Variants in CACNA2D2 observed in about 807,000 individuals in gnomAD.
CACNA2D2 encodes calcium voltage-gated channel auxiliary subunit alpha2delta 2.
A neutral mutation model predicts 166.4 loss-of-function variants in CACNA2D2; 48 were observed. That is an observed-to-expected ratio of 0.29 (90% CI 0.23 to 0.37). CACNA2D2 has a LOEUF of 0.37. Among genes scored for constraint, CACNA2D2 ranks in the 10% least tolerant of loss-of-function variants. The pLI is 1.00. For missense variants in CACNA2D2, 1,122 were observed against 1,433.0 expected, an observed-to-expected ratio of 0.78 and a Z score of 3.50; for synonymous variants, 561 against 573.7, an observed-to-expected ratio of 0.98 and a Z score of 0.32.
chr3:50,428,996 G>A (rs1011698344), intron 3 of CACNA2D2, among the ~76,000 whole-genome samples: 2 of 152,140 alleles, frequency 1.3e-5, no homozygotes, highest in African/African-American at 4.8e-5. Flanking sequence ...TTGGGAGGCC[G>A]AGGCGCGCAG....
At chr3:50,471,281 C>T (rs545572369) in intron 2 of CACNA2D2, among the ~76,000 whole-genome samples, 3 of 152,054 alleles carry the variant, frequency 2.0e-5, no homozygotes, top group South Asian at 2.1e-4. Flanking sequence ...TGCGTCAGTG[C>T]GACAGCCTGT....
At chr3:50,470,110 G>C (rs1710000095) in intron 2 of CACNA2D2, among the ~76,000 whole-genome samples, 1 of 152,222 alleles carries the variant, frequency 6.6e-6, no homozygotes, top group Non-Finnish European at 1.5e-5. Flanking sequence ...TTGGAGCAGG[G>C]TTCCCTGCCC....
In CACNA2D2 at chr3:50,427,564, T is replaced by C. The variant is rs1273517929; in HGVS notation, c.405+6749A>G. On this transcript the variant is annotated intron_variant, in intron 3 of 37. Transcript: ENST00000424201. This position sits in a 1 kb window ranked among gnomAD's most constrained non-coding sequence, Gnocchi z 4.7. ...GGTCAAGATCTCTTAATGTTCATAA[T>C]GGAGGGGAGGCAGAAGCCATCGCCA... Among the ~76,000 whole-genome samples, 2 of 152,226 alleles carry C rather than the reference T, an allele frequency of 1.3e-5. No individual in the cohort carries two copies. Among genetic ancestry groups the C allele is most frequent in the Non-Finnish European group, 2.9e-5 (2 of 68,026 alleles).
intron 2 of CACNA2D2, among the ~76,000 whole-genome samples, chr3:50,463,694 T>C (rs1709690740): frequency 6.6e-6 from 1 of 152,168 alleles, no homozygotes; most frequent in Non-Finnish European, 1.5e-5. Flanking sequence ...TCTCACACCC[T>C]CCCTGGAATC....
chr3:50,500,260 C>A (rs1698903386), intron 1 of CACNA2D2, among the ~76,000 whole-genome samples: 1 of 152,076 alleles, frequency 6.6e-6, no homozygotes, highest in Non-Finnish European at 1.5e-5. Flanking sequence ...TGCCCACCCT[C>A]AGAGGAAGGG....
At chr3:50,372,119 G>T (rs1704683833) in intron 22 of CACNA2D2, among the ~76,000 whole-genome samples, 1 of 152,082 alleles carries the variant, frequency 6.6e-6, no homozygotes, top group South Asian at 2.1e-4. Context: ...CCTTTGTAAT[G>T]CTGTCCTCTC....
intron 1 of CACNA2D2, among the ~76,000 whole-genome samples, chr3:50,500,098 C>G (rs571218592): frequency 6.6e-6 from 1 of 152,226 alleles, no homozygotes; most frequent in Non-Finnish European, 1.5e-5. Flanking sequence ...AAGGCCCAGA[C>G]AGACACACGT....
intron 1 of CACNA2D2, 63 bp downstream of exon 1, chr3:50,503,155 G>A: frequency 9.9e-7 from 1 of 1,007,144 alleles, no homozygotes; most frequent in Non-Finnish European, 1.2e-6. Context: ...GAGTAGCGCG[G>A]ACCGGGGGCA....
chr3:50,454,720 GAA>G (rs1353570352), intron 2 of CACNA2D2, among the ~76,000 whole-genome samples: 1 of 152,032 alleles, frequency 6.6e-6, no homozygotes, highest in African/African-American at 2.4e-5. Flanking sequence ...TTTTTGATTG[GAA>G]AAGAGCCTGT....
intron 3 of CACNA2D2, among the ~76,000 whole-genome samples, chr3:50,422,455 G>GT (rs1184701973): frequency 6.6e-6 from 1 of 152,152 alleles, no homozygotes. Context: ...GTGCTTCCAG[G>GT]TAACTAGGAC....
Position 50,449,985 on chromosome 3 carries a change from T to C in CACNA2D2, c.289-15556A>G, listed in dbSNP as rs933544103. Among the ~76,000 whole-genome samples, 5 of 152,214 alleles carry C rather than the reference T, an allele frequency of 3.3e-5. No individual in the cohort carries two copies. The East Asian group carries it at 5.8e-4, about 18-fold the overall frequency. On this transcript the variant is annotated intron_variant, in intron 2 of 37. Coordinates refer to ENST00000424201, the MANE Select transcript of CACNA2D2 (RefSeq NM_006030.4). ...ACATAGTGGGAGGTGAGGCTCCATG[T>C]GAGGAGGGGTCCATGGAGCCTGACT...
chr3:50,473,367 T>C (rs1278492141), intron 2 of CACNA2D2, among the ~76,000 whole-genome samples: 1 of 152,206 alleles, frequency 6.6e-6, no homozygotes, highest in Non-Finnish European at 1.5e-5. Context: ...TCCAAGCTAC[T>C]GGGAGTGGGG....
chr3:50,419,733 A>C (rs1055835651), intron 3 of CACNA2D2: 32 of 152,246 alleles, frequency 2.1e-4, no homozygotes, highest in African/African-American at 7.7e-4. Context: ...CGTTTCCCAT[A>C]TCTGGCAGCG....
At chr3:50,391,570 C>T (rs745906938) in intron 4 of CACNA2D2, among the ~76,000 whole-genome samples, 1 of 152,196 alleles carries the variant, frequency 6.6e-6, no homozygotes, top group Non-Finnish European at 1.5e-5. Flanking sequence ...TGGCCAGGGA[C>T]GAGGAAGGGG....
chr3:50,408,145 A>G (rs1706812972), intron 3 of CACNA2D2, among the ~76,000 whole-genome samples: 1 of 152,200 alleles, frequency 6.6e-6, no homozygotes, highest in Admixed American at 6.5e-5. Flanking sequence ...CACCCACCCA[A>G]GACCACACAA....
intron 2 of CACNA2D2, among the ~76,000 whole-genome samples, chr3:50,469,923 T>A (rs1388950491): frequency 6.6e-6 from 1 of 152,224 alleles, no homozygotes; most frequent in Non-Finnish European, 1.5e-5. Context: ...ATCTTGGAAG[T>A]GCCCTCTAGT....
At chr3:50,426,505 G>A (rs371873039) in intron 3 of CACNA2D2, among the ~76,000 whole-genome samples, 2 of 152,176 alleles carry the variant, frequency 1.3e-5, no homozygotes, top group African/African-American at 2.4e-5. Flanking sequence ...TTCCAGGCCC[G>A]ACACATGCCT....
At chr3:50,432,452 G>C (rs1328751199) in intron 3 of CACNA2D2, among the ~76,000 whole-genome samples, 1 of 152,238 alleles carries the variant, frequency 6.6e-6, no homozygotes, top group Non-Finnish European at 1.5e-5. Flanking sequence ...AACTGGACAG[G>C]GGGCAGCAAA....
Position 50,364,269 on chromosome 3 carries a change from G to A in CACNA2D2, c.*397C>T, listed in dbSNP as rs1265672744. On this transcript the variant is annotated 3_prime_UTR_variant, in exon 38 of 38. Coordinates refer to ENST00000424201, the MANE Select transcript of CACNA2D2 (RefSeq NM_006030.4). The stretch of plus-strand genomic sequence containing the variant: ...CCTCCACTATTCTCACAGAAACCAA[G>A]TTTGGGCTTGGGTGGGGCAGAGAGG... The A allele has an allele frequency of 1.4e-5, 3 of 217,186 alleles. No homozygotes were observed. The highest frequency in any genetic ancestry group is 2.7e-5 in the Non-Finnish European group (3 of 109,918). 13.5% of individuals were successfully genotyped at this position (217,186 alleles called of 1,614,324 possible).
Sources: allele counts gnomAD v4.1 joint callset (sites outside exome capture counted in the v4.1 genomes callset), GRCh38; gene constraint gnomAD v4.1.1; non-coding constraint Gnocchi (gnomAD v3.1); transcripts MANE v1.5; gene names NCBI Gene and HGNC (gene_info 2026-07-23, HGNC 2026-07-21).